The following RAF1 variants were observed in gnomAD, a reference collection of about 807,000 sequenced individuals.
RAF1 encodes the protein RAF proto-oncogene serine/threonine-protein kinase.
Under a neutral mutation model 81.1 loss-of-function variants are expected in RAF1, and 27 were observed. That is an observed-to-expected ratio of 0.33 (90% CI 0.25 to 0.46). The LOEUF is 0.46. RAF1 is among the 20% of genes least tolerant of loss of function. The pLI, the probability that RAF1 is intolerant of heterozygous loss-of-function variation, is 1.00. For synonymous variants in RAF1, 298 were observed against 294.0 expected (o/e 1.01, Z -0.14); for missense variants, 598 against 826.0 (o/e 0.72, Z 3.38).
rs578132808 is a variant in RAF1 at position 12,644,752 on chromosome 3, C to T, written c.-27+19061G>A. ...TAGCAAATCAATCATTATAATCAGG[C>T]ACTTTGAAAAACCTCATTTTTGAGT... On this transcript the variant is annotated intron_variant, in intron 1 of 17. Transcript: ENST00000442415. 2.6e-5 allele frequency among the ~76,000 whole-genome samples: 4 copies of T among 152,114 alleles called. No homozygotes were observed. The East Asian group carries it at 7.7e-4, about 29-fold the overall frequency.
Position 12,584,576 on chromosome 3 carries a change from C to A in RAF1, c.1945G>T (p.Ala649Ser), listed in dbSNP as rs1243841152. Reference sequence around the variant, plus strand: ...CAAGCATTGATATCCTCAGTGTGGGCTGCCCGATGCAAGGATGGCTCGGAA... The same window carrying A: ...CAAGCATTGATATCCTCAGTGTGGGATGCCCGATGCAAGGATGGCTCGGAA... Residue 649 changes from alanine (A) to serine (S), a missense_variant, in exon 18 of 18, where the codon GCC (alanine) becomes TCC (serine). By Grantham distance (99) the Ala-to-Ser change is moderately conservative. Coordinates refer to ENST00000442415, the MANE Select transcript of RAF1 (RefSeq NM_001354689.3). 4 of 1,614,052 alleles carry A rather than the reference C, an allele frequency of 2.5e-6. No homozygotes were observed. In the African/African-American group the frequency reaches 4.0e-5, roughly 16 times the overall value.
chr3:12,592,269 G>A (rs2058539743), intron 11 of RAF1, among the ~76,000 whole-genome samples: 2 of 152,176 alleles, frequency 1.3e-5, no homozygotes, highest in Non-Finnish European at 2.9e-5. Context: ...AATGACTGGG[G>A]CTGGTTGCTG....
intron 1 of RAF1, among the ~76,000 whole-genome samples, chr3:12,645,245 C>T (rs1366598558): frequency 6.6e-6 from 1 of 151,990 alleles, no homozygotes; most frequent in African/African-American, 2.4e-5. Flanking sequence ...GTAGTTCCGA[C>T]TCAAAAAAGT....
intron 1 of RAF1, among the ~76,000 whole-genome samples, chr3:12,629,727 C>T (rs1462798862): frequency 6.6e-6 from 1 of 152,164 alleles, no homozygotes; most frequent in Non-Finnish European, 1.5e-5. Flanking sequence ...CCTACTCTGG[C>T]TTCCTGGTAT....
intron 1 of RAF1, among the ~76,000 whole-genome samples, chr3:12,630,421 C>T (rs1207031598): frequency 6.6e-6 from 1 of 152,136 alleles, no homozygotes; most frequent in Non-Finnish European, 1.5e-5. Flanking sequence ...ATAAGAGAAG[C>T]CTATCTTCTG....
At chr3:12,616,063 TATAATA>T (rs920482151) in intron 2 of RAF1, among the ~76,000 whole-genome samples, 1 of 151,224 alleles carries the variant, frequency 6.6e-6, no homozygotes, top group Admixed American at 6.6e-5. Context: ...AAAAAATACA[TATAATA>T]ATAATAATAA....
intron 1 of RAF1, among the ~76,000 whole-genome samples, chr3:12,630,242 C>T (rs147729232): frequency 6.6e-6 from 1 of 152,172 alleles, no homozygotes; most frequent in Non-Finnish European, 1.5e-5. Context: ...TCTACCTCCA[C>T]CTTTTATTAG....
chr3:12,597,539 TA>T (rs2058723843), intron 11 of RAF1, among the ~76,000 whole-genome samples: 2 of 152,234 alleles, frequency 1.3e-5, no homozygotes, highest in South Asian at 2.1e-4. Context: ...GCAGCCTTGT[TA>T]TCTCAGACAC....
intron 1 of RAF1, among the ~76,000 whole-genome samples, chr3:12,656,863 G>A (rs1417743555): frequency 1.3e-5 from 2 of 152,166 alleles, no homozygotes; most frequent in East Asian, 3.9e-4. Context: ...CGGGCGTGGT[G>A]GCAGATGCCT....
chr3:12,610,191 G>C (rs1023905555), intron 3 of RAF1, among the ~76,000 whole-genome samples: 1 of 152,086 alleles, frequency 6.6e-6, no homozygotes, highest in Non-Finnish European at 1.5e-5. Flanking sequence ...TTTTCCAAAG[G>C]AAGAATATTC....
At chr3:12,639,133 T>C (rs1038018823) in intron 1 of RAF1, among the ~76,000 whole-genome samples, 1 of 152,128 alleles carries the variant, frequency 6.6e-6, no homozygotes, top group Non-Finnish European at 1.5e-5. Context: ...CGTGATTATC[T>C]CAATAGATGC....
At chr3:12,636,740 G>A (rs1426967331) in intron 1 of RAF1, among the ~76,000 whole-genome samples, 1 of 151,976 alleles carries the variant, frequency 6.6e-6, no homozygotes, top group East Asian at 1.9e-4. Context: ...CTGGGAGGTG[G>A]AGGCTGCTGT....
chr3:12,627,652 CAAA>C (rs958972878), intron 1 of RAF1, among the ~76,000 whole-genome samples: 6 of 150,872 alleles, frequency 4.0e-5, no homozygotes, highest in African/African-American at 1.5e-4. Context: ...CTAGGTTCAC[CAAA>C]AAAAAATTGC....
intron 1 of RAF1, among the ~76,000 whole-genome samples, chr3:12,649,202 T>G (rs546589913): frequency 6.6e-6 from 1 of 152,238 alleles, no homozygotes; most frequent in African/African-American, 2.4e-5. Flanking sequence ...CTTCTAAGAG[T>G]TACAGTAAGA....
At chr3:12,633,300 G>GT (rs2059915973) in intron 1 of RAF1, among the ~76,000 whole-genome samples, 1 of 151,806 alleles carries the variant, frequency 6.6e-6, no homozygotes, top group South Asian at 2.1e-4. Flanking sequence ...GGACAACACA[G>GT]TAAGACCCTC....
At chr3:12,585,910 C>T in intron 14 of RAF1, 111 bp from the exon 14 acceptor site, 2 of 807,852 alleles carry the variant, frequency 2.5e-6, no homozygotes, top group Non-Finnish European at 2.2e-6. Context: ...TCTGTCACAG[C>T]CTCTCTGCAC....
rs921639014 is a variant in RAF1 at position 12,606,413 on chromosome 3, A to T, written c.582-114T>A. ...TACTAAAACTGAACTTTTCCCAGTCACATTTTCCTCAACTGTTTTACATTA... is the reference window on the plus strand; with the variant it reads ...TACTAAAACTGAACTTTTCCCAGTCTCATTTTCCTCAACTGTTTTACATTA... On this transcript the variant is annotated intron_variant, in intron 5 of 17. Transcript: ENST00000442415. The T allele has an allele frequency of 1.2e-5, 9 of 742,772 alleles. No homozygotes were observed. In the African/African-American group the frequency reaches 1.6e-4, roughly 13 times the overall value. 46.0% of individuals were successfully genotyped at this position (742,772 alleles called of 1,614,324 possible). A position where few individuals can be genotyped will look rare whatever the true frequency, so the allele number is the denominator to read the frequency against.
intron 1 of RAF1, among the ~76,000 whole-genome samples, chr3:12,650,709 G>A (rs1180486363): frequency 6.6e-6 from 1 of 152,176 alleles, no homozygotes; most frequent in Non-Finnish European, 1.5e-5. Context: ...ACCCCTTAAA[G>A]TAGAAGTAAA....
intron 1 of RAF1, among the ~76,000 whole-genome samples, chr3:12,653,009 CG>C (rs1283816364): frequency 6.6e-6 from 1 of 151,500 alleles, no homozygotes; most frequent in Non-Finnish European, 1.5e-5. Flanking sequence ...TGGCTGGGTG[CG>C]GTAGCTCATG....
Sources: allele counts gnomAD v4.1 joint callset (sites outside exome capture counted in the v4.1 genomes callset), GRCh38; gene constraint gnomAD v4.1.1; transcripts MANE v1.5; gene names NCBI Gene and HGNC (gene_info 2026-07-23, HGNC 2026-07-21).